PRRC2B: variants seen among roughly 807,000 people sequenced by gnomAD.
PRRC2B encodes protein PRRC2B.
Under a neutral mutation model 242.3 loss-of-function variants are expected in PRRC2B, and 68 were observed. The ratio of observed to expected loss-of-function variants is 0.28; its 90% CI spans 0.23 to 0.34. PRRC2B has a LOEUF of 0.34. PRRC2B is among the 10% of genes least tolerant of loss of function. The pLI, the probability that PRRC2B is intolerant of heterozygous loss-of-function variation, is 1.00. For synonymous variants in PRRC2B, 1,228 were observed against 1,173.6 expected, an observed-to-expected ratio of 1.05 and a Z score of -0.95; for missense variants, 2,835 against 2,954.8, an observed-to-expected ratio of 0.96 and a Z score of 0.94.
At chr9:131,420,493 C>CTCTCTTTCTCTCTTTCTCTTCTTTCT in intron 1 of PRRC2B, among the ~76,000 whole-genome samples, 1 of 30,180 alleles carries the variant, frequency 3.3e-5, no homozygotes, top group African/African-American at 1.1e-4. Flanking sequence ...TTCTTTCTTT[C>CTCTCTTTCTCTCTTTCTCTTCTTTCT]TTTTTTTTTT....
rs1459878479 is a variant in PRRC2B, at chr9:131,470,870, C to T, written c.1994C>T (p.Pro665Leu). 2.5e-6 allele frequency: 4 copies of T among 1,609,188 alleles called. No homozygotes were observed. The highest frequency in any genetic ancestry group is 1.7e-5 in the Admixed American group (1 of 59,364). Reference sequence around the variant, plus strand: ...CAGCGCACCTTTTACCCACACCACCCCCAGATGTTGGGCTTCGATCCCAGG... The same window carrying T: ...CAGCGCACCTTTTACCCACACCACCTCCAGATGTTGGGCTTCGATCCCAGG... ...HPQRTFYPHH[P>L]QMLGFDPRWM... The change falls in exon 14 of 32, where the codon CCC becomes CTC. Residue 665 changes from proline to leucine, a missense_variant. By Grantham distance (98) the Pro-to-Leu change is moderately conservative. This residue lies in a region of PRRC2B where 1,536 missense variants were observed against 1,483.1 expected (regional missense o/e 1.04). Transcript: ENST00000683519.
intron 1 of PRRC2B, among the ~76,000 whole-genome samples, chr9:131,425,186 A>G (rs994200344): frequency 3.3e-5 from 5 of 152,078 alleles, no homozygotes; most frequent in African/African-American, 1.2e-4. Flanking sequence ...GGGTTTCACC[A>G]TGTTGGCCAG....
intron 29 of PRRC2B, 36 bp from the exon 30 acceptor site, chr9:131,492,133 C>G (rs1490466900): frequency 1.3e-6 from 2 of 1,554,376 alleles, no homozygotes; most frequent in East Asian, 2.2e-5. Context: ...TCTCCAGGGC[C>G]TCAAATGACA....
chr9:131,435,522 G>A (rs985446335), intron 3 of PRRC2B, among the ~76,000 whole-genome samples: 8 of 151,736 alleles, frequency 5.3e-5, no homozygotes, highest in Non-Finnish European at 1.2e-4. Context: ...GACTGAGGCA[G>A]GAGAATCGCT....
Position 131,485,122 on chromosome 9 carries a change from C to T in PRRC2B, c.5740C>T (p.Pro1914Ser). ...MPPMPVASVA[P>S]SASMPGSHLP... ...ACCCATGCCTGTGGCCTCTGTAGCACCTTCTGCTTCTATGCCAGGTATCTC... is the reference window on the plus strand; with the variant it reads ...ACCCATGCCTGTGGCCTCTGTAGCATCTTCTGCTTCTATGCCAGGTATCTC... Residue 1914 changes from proline to serine, a missense_variant, in exon 25 of 32, where the codon CCT (proline) becomes TCT (serine). By Grantham distance (74) the Pro-to-Ser change is moderately conservative (BLOSUM62 -1). Coordinates refer to ENST00000683519, the MANE Select transcript of PRRC2B (RefSeq NM_013318.4). 3 of 1,590,482 alleles carry T rather than the reference C, an allele frequency of 1.9e-6. No individual in the cohort carries two copies. Among genetic ancestry groups the T allele is most frequent in the South Asian group, 1.1e-5 (1 of 88,296 alleles).
chr9:131,423,893 G>C (rs1170434535), intron 1 of PRRC2B, among the ~76,000 whole-genome samples: 1 of 151,930 alleles, frequency 6.6e-6, no homozygotes, highest in East Asian at 1.9e-4. Flanking sequence ...CCAATCCCAG[G>C]CTTGTAAGAG....
At chr9:131,461,194 C>T (rs1943232066) in intron 11 of PRRC2B, among the ~76,000 whole-genome samples, 1 of 152,230 alleles carries the variant, frequency 6.6e-6, no homozygotes, top group Non-Finnish European at 1.5e-5. Flanking sequence ...TGCTGCCACA[C>T]TCTCTCCCTT....
chr9:131,449,626 C>T (rs953663851), intron 9 of PRRC2B, among the ~76,000 whole-genome samples: 4 of 152,066 alleles, frequency 2.6e-5, no homozygotes, highest in African/African-American at 7.2e-5. Context: ...TGGTAGGGTA[C>T]CAGCCCAGGA....
intron 11 of PRRC2B, among the ~76,000 whole-genome samples, chr9:131,463,114 C>T (rs1222066773): frequency 6.6e-6 from 1 of 151,946 alleles, no homozygotes; most frequent in East Asian, 1.9e-4. Flanking sequence ...AATACACAGC[C>T]GTTAGAAAGG....
At chr9:131,428,739 G>T (rs962174308) in intron 1 of PRRC2B, among the ~76,000 whole-genome samples, 1 of 152,044 alleles carries the variant, frequency 6.6e-6, no homozygotes, top group Non-Finnish European at 1.5e-5. Context: ...GTGTTGACCA[G>T]GCTGGTCTCA....
chr9:131,400,178 G>C (rs1373192316), intron 1 of PRRC2B, among the ~76,000 whole-genome samples: 2 of 152,014 alleles, frequency 1.3e-5, no homozygotes, highest in African/African-American at 4.8e-5. Context: ...CTGCATCCTG[G>C]GCTCAAATGA....
At chr9:131,480,802 G>A (rs1049660646) in intron 19 of PRRC2B, among the ~76,000 whole-genome samples, 7 of 151,840 alleles carry the variant, frequency 4.6e-5, no homozygotes, top group Non-Finnish European at 1.0e-4. Flanking sequence ...CGGATCCATG[G>A]CCATTCAAAA....
rs974417959 is a variant in PRRC2B at position 131,388,242 on chromosome 9, T to A, written c.-56+14511T>A. Among the ~76,000 whole-genome samples the A allele has an allele frequency of 2.1e-5, 3 of 144,370 alleles. 1 individual carries two copies. Among genetic ancestry groups the A allele is most frequent in the African/African-American group, 7.4e-5 (3 of 40,302 alleles). The allele number at this position is 144,370 out of a possible 152,430, so 94.7% of individuals were successfully genotyped here. A position where few individuals can be genotyped will look rare whatever the true frequency, so the allele number is the denominator to read the frequency against. ...ATTTCATCAACTTTTACTTTTACTTTTTTTTTTTTTTTTTTTAGATGGAGA... is the reference window on the plus strand; with the variant it reads ...ATTTCATCAACTTTTACTTTTACTTATTTTTTTTTTTTTTTTAGATGGAGA... On this transcript the variant is annotated intron_variant, in intron 1 of 1. Coordinates refer to the PRRC2B transcript ENST00000682525.
At chr9:131,373,973 G>A (rs1245216306) in intron 1 of PRRC2B, among the ~76,000 whole-genome samples, 1 of 151,896 alleles carries the variant, frequency 6.6e-6, no homozygotes, top group African/African-American at 2.4e-5. Context: ...GCAGGAGAAT[G>A]GCGTGAACCC....
At chr9:131,450,447 A>G (rs917741749) in intron 9 of PRRC2B, among the ~76,000 whole-genome samples, 2 of 151,890 alleles carry the variant, frequency 1.3e-5, no homozygotes, top group African/African-American at 4.8e-5. Flanking sequence ...TTGTATTTTT[A>G]GTAGAGACAG....
intron 9 of PRRC2B, among the ~76,000 whole-genome samples, chr9:131,448,543 C>CAAAAAAAAAAAAAAAAAACAAAAAA (rs1838885117): frequency 2.5e-5 from 1 of 39,894 alleles, no homozygotes; most frequent in Non-Finnish European, 5.3e-5. Flanking sequence ...GACACTGTCT[C>CAAAAAAAAAAAAAAAAAACAAAAAA]AAAAAAAAAA....
chr9:131,463,955 T>C (rs541571434), intron 11 of PRRC2B, among the ~76,000 whole-genome samples: 69 of 150,378 alleles, frequency 4.6e-4, no homozygotes, highest in Non-Finnish European at 5.2e-4. Context: ...TTTTTTTTTT[T>C]CCCCCAGATG....
chr9:131,382,157 C>T (rs1420602912), intron 1 of PRRC2B, among the ~76,000 whole-genome samples: 1 of 152,082 alleles, frequency 6.6e-6, no homozygotes, highest in Non-Finnish European at 1.5e-5. Flanking sequence ...GCTGGGATTA[C>T]AGGCATCCGC....
At position 131,425,843 on chromosome 9, in the gene PRRC2B, C is replaced by T. The variant is rs72770793; in HGVS notation, c.-51-4251C>T. The stretch of plus-strand genomic sequence containing the variant: ...AACAAATGTATTTCTGGTCAGTTTT[C>T]AGAATTAAATGACATTTTAGCTGGG... On this transcript the variant is annotated intron_variant, in intron 1 of 31. Coordinates refer to ENST00000683519, the MANE Select transcript of PRRC2B (RefSeq NM_013318.4). Among the ~76,000 whole-genome samples the T allele has an allele frequency of 5.1e-3, 776 of 151,098 alleles. 5 individuals carry two copies. The highest frequency in any genetic ancestry group is 8.6e-3 in the Non-Finnish European group (581 of 67,764).
Sources: gnomAD v4.1 joint callset for allele counts (sites outside exome capture counted in the v4.1 genomes callset) on GRCh38, gnomAD v4.1.1 for gene constraint, gnomAD v4.1.1 regional missense constraint, MANE v1.5 for transcripts, NCBI Gene and HGNC (gene_info 2026-07-23, HGNC 2026-07-21) for gene names.